The following GSDMC variants were observed in gnomAD, a reference collection of about 807,000 sequenced individuals.
GSDMC encodes the protein gasdermin C, also known as gasdermin-C.
GSDMC carries 59 observed loss-of-function variants against 58.0 expected under a neutral mutation model. The ratio of observed to expected loss-of-function variants is 1.02; its 90% confidence interval spans 0.82 to 1.26. The LOEUF is 1.26. Among genes scored for constraint, GSDMC ranks in the 50% most tolerant of loss-of-function variants. The probability of loss-of-function intolerance (pLI) is 0.00; values close to 1 mark genes in which losing one functional copy is unlikely to be tolerated. For synonymous variants in GSDMC, 241 were observed against 220.2 expected, an observed-to-expected ratio of 1.09 and a Z score of -0.83; for missense variants, 659 against 598.5, an observed-to-expected ratio of 1.10 and a Z score of -1.06.
the GSDMC span, chr8:129,730,047 C>T: frequency 1.7e-6 from 2 of 1,191,724 alleles, no homozygotes; most frequent in South Asian, 1.4e-5. Context: ...AAGGAGTATT[C>T]CTTGAAAATA....
intron 9 of GSDMC, 29 bp downstream of exon 9, chr8:129,751,833 A>AC: frequency 3.4e-6 from 4 of 1,184,214 alleles, no homozygotes; most frequent in Non-Finnish European, 5.0e-6. Context: ...TGGGATCCCC[A>AC]CCCCCACCTC....
chr8:129,775,956 A>G, intron 3 of GSDMC, 146 bp downstream of exon 3: 1 of 615,988 alleles, frequency 1.6e-6, no homozygotes, highest in South Asian at 2.1e-5. Context: ...GGGAGGTATG[A>G]ATACTCAAGA....
At chr8:129,745,058 C>T (rs955961288), downstream of GSDMC, among the ~76,000 whole-genome samples, 4 of 152,256 alleles carry the variant, frequency 2.6e-5, no homozygotes, top group Non-Finnish European at 4.4e-5. Flanking sequence ...CGGATTTCTT[C>T]CCACTCCCTC....
chr8:129,726,680 G>A, the GSDMC span, among the ~76,000 whole-genome samples: 5 of 152,014 alleles, frequency 3.3e-5, no homozygotes, highest in Non-Finnish European at 5.9e-5. Context: ...GTCTTTTAAA[G>A]TATTCCATAC....
chr8:129,773,591 C>G (rs1250099269), intron 3 of GSDMC, among the ~76,000 whole-genome samples: 1 of 151,952 alleles, frequency 6.6e-6, no homozygotes, highest in Non-Finnish European at 1.5e-5. Flanking sequence ...TCGAGACCAG[C>G]CTGGCCAATA....
chr8:129,727,656 G>A, the GSDMC span, among the ~76,000 whole-genome samples: 1 of 152,182 alleles, frequency 6.6e-6, no homozygotes, highest in Non-Finnish European at 1.5e-5. Context: ...CTGAGATCAG[G>A]ATGCCATTTT....
At position 129,751,895 on chromosome 8, in the gene GSDMC, A is replaced by T; in HGVS notation, c.887-4T>A. 3 of 1,613,172 alleles carry T rather than the reference A, an allele frequency of 1.9e-6. No individual in the cohort carries two copies. Among genetic ancestry groups the T allele is most frequent in the Non-Finnish European group, 2.5e-6 (3 of 1,179,196 alleles). ...AGGATGTGAACTTGTTCGTATTCTA[A>T]AAAAAGAAATGAAATTCCTCACCAA... On this transcript the variant is annotated splice_polypyrimidine_tract_variant and splice_region_variant and intron_variant, in intron 8 of 13. Coordinates refer to ENST00000276708, the MANE Select transcript of GSDMC (RefSeq NM_031415.3).
chr8:129,777,645 C>T, intron 1 of GSDMC, 54 bp from the exon 2 acceptor site: 2 of 898,582 alleles, frequency 2.2e-6, no homozygotes, highest in South Asian at 1.3e-5. Context: ...AATGGTTAAA[C>T]TCTCACCAAT....
the GSDMC span, among the ~76,000 whole-genome samples, chr8:129,737,670 A>T: frequency 6.6e-6 from 1 of 152,250 alleles, no homozygotes. Flanking sequence ...TTCAAGATGG[A>T]TTAAAGACTT....
intron 1 of GSDMC, among the ~76,000 whole-genome samples, chr8:129,781,892 T>G (rs1037255623): frequency 6.6e-6 from 1 of 152,048 alleles, no homozygotes; most frequent in African/African-American, 2.4e-5. Flanking sequence ...TACAGAACAT[T>G]TTATCCAATG....
In GSDMC at chr8:129,748,239, CAT is replaced by C. The variant is rs1178531769; in HGVS notation, c.*260_*261del. On this transcript the variant is annotated 3_prime_UTR_variant, in exon 14 of 14. Coordinates refer to ENST00000276708, the MANE Select transcript of GSDMC (RefSeq NM_031415.3). ...TTATTATTTTGAAGTAAAATTTATA[CAT>C]AGTGAAACGCTTACGTCTTTAACAT... 3.5e-6 allele frequency: 1 copy of C among 285,954 alleles called. No individual in the cohort carries two copies. The highest frequency in any genetic ancestry group is 2.2e-5 in the African/African-American group (1 of 46,102). 17.7% of individuals were successfully genotyped at this position (285,954 alleles called of 1,614,324 possible).
intron 6 of GSDMC, among the ~76,000 whole-genome samples, chr8:129,756,175 A>G (rs1370507119): frequency 6.9e-6 from 1 of 145,800 alleles, no homozygotes; most frequent in African/African-American, 2.6e-5. Context: ...ATTCCATGCT[A>G]ATGGAAACCA....
chr8:129,763,958 C>A (rs894856979), intron 4 of GSDMC, among the ~76,000 whole-genome samples: 5 of 152,008 alleles, frequency 3.3e-5, no homozygotes, highest in Non-Finnish European at 5.9e-5. Flanking sequence ...GCTTTTTGAC[C>A]CTTCTATTTA....
At chr8:129,747,877 G>A (rs1237825664), downstream of GSDMC, among the ~76,000 whole-genome samples, 3 of 152,158 alleles carry the variant, frequency 2.0e-5, no homozygotes, top group Non-Finnish European at 4.4e-5. Context: ...ATGACACAGA[G>A]AGCACAGAAT....
rs2033039148 is a variant in GSDMC at position 129,748,665 on chromosome 8, G to A, written c.1363C>T (p.Pro455Ser). The change falls in exon 14 of 14, where the codon CCA becomes TCA. Residue 455 changes from proline (P) to serine (S), a missense_variant. Physicochemically the swap from Pro to Ser is moderately conservative, Grantham distance 74. Coordinates refer to ENST00000276708, the MANE Select transcript of GSDMC (RefSeq NM_031415.3). ...PFTLKPELLAPLQSEGLAITY... is the reference protein window; with the variant it reads ...PFTLKPELLASLQSEGLAITY... ...ATGGCCAAACCCTCACTCTGGAGTG[G>A]GGCGAGGAGCTCAGGTTTGAGGGTG... 6.2e-7 allele frequency: 1 copy of A among 1,608,984 alleles called. No homozygotes were observed. The highest frequency in any genetic ancestry group is 8.5e-7 in the Non-Finnish European group (1 of 1,177,844).
chr8:129,754,321 T>G (rs1477623963), intron 6 of GSDMC, among the ~76,000 whole-genome samples: 1 of 151,900 alleles, frequency 6.6e-6, no homozygotes. Flanking sequence ...CCCCATTTGT[T>G]TGGGAGAAAG....
the GSDMC span, chr8:129,729,317 A>G: frequency 2.0e-6 from 1 of 505,636 alleles, no homozygotes; most frequent in East Asian, 5.0e-5. Context: ...TGTTTTTTTT[A>G]ATTATTATTA....
chr8:129,707,005 G>A, the GSDMC span: 1 of 152,214 alleles, frequency 6.6e-6, no homozygotes, highest in African/African-American at 2.4e-5. Context: ...CTCTCCTCCA[G>A]ACATGGTGGT....
the GSDMC span, among the ~76,000 whole-genome samples, chr8:129,710,748 CTTTTAAGTGAATAGGGTCAAAGGTTGCTA>C: frequency 6.6e-6 from 1 of 152,134 alleles, no homozygotes; most frequent in African/African-American, 2.4e-5. Context: ...TGCTTATTAC[CTTTTAAGTGAATAGGGTCAAAGGTTGCTA>C]TTAACCCAAG....
Sources: gnomAD v4.1 joint callset for allele counts (sites outside exome capture counted in the v4.1 genomes callset) on GRCh38, gnomAD v4.1.1 for gene constraint, MANE v1.5 for transcripts, NCBI Gene and HGNC (gene_info 2026-07-23, HGNC 2026-07-21) for gene names.